Variants in DMC1 observed in about 807,000 individuals in gnomAD.
DMC1 encodes meiotic recombination protein DMC1 homolog.
DMC1 carries 27 observed loss-of-function variants against 50.1 expected under a neutral mutation model. That is an observed-to-expected ratio of 0.54 (90% confidence interval 0.40 to 0.74). The LOEUF is 0.74. DMC1 is among the 30% of genes least tolerant of loss of function. The pLI is 0.00. For synonymous variants in DMC1, 148 were observed against 136.1 expected, an observed-to-expected ratio of 1.09 and a Z score of -0.61; for missense variants, 295 against 420.2, an observed-to-expected ratio of 0.70 and a Z score of 2.60.
intron 5 of DMC1, among the ~76,000 whole-genome samples, chr22:38,561,002 A>AT (rs1011284443): frequency 1.7e-4 from 25 of 149,186 alleles, no homozygotes; most frequent in South Asian, 1.1e-3. Context: ...TAATTCCTTA[A>AT]TTTTTTTTTT....
chr22:38,557,109 T>C (rs1345567558), intron 5 of DMC1, among the ~76,000 whole-genome samples: 1 of 152,174 alleles, frequency 6.6e-6, no homozygotes, highest in Admixed American at 6.5e-5. Context: ...GCCATGGTGG[T>C]TGGGCTAGCA....
chr22:38,533,594 C>T (rs1374736125), intron 12 of DMC1, among the ~76,000 whole-genome samples: 2 of 151,990 alleles, frequency 1.3e-5, no homozygotes, highest in Non-Finnish European at 2.9e-5. Flanking sequence ...AATCTGCTAC[C>T]ATATGATGCA....
chr22:38,561,672 T>C (rs915711362), intron 5 of DMC1, among the ~76,000 whole-genome samples: 1 of 152,216 alleles, frequency 6.6e-6, no homozygotes, highest in Non-Finnish European at 1.5e-5. Context: ...AAATCCTTTT[T>C]TTCTTAATGT....
rs1171102736 is a variant in DMC1, at chr22:38,531,276, G to T, written c.836+6316C>A. On this transcript the variant is annotated intron_variant, in intron 12 of 13. Coordinates refer to ENST00000216024, the MANE Select transcript of DMC1 (RefSeq NM_007068.4). ...TTTATCTCCAAGTCTTCATCAACTG[G>T]ATCATTCCAGTTCTAAAGTCTGTAT... Among the ~76,000 whole-genome samples, 3 of 152,142 alleles carry T rather than the reference G, an allele frequency of 2.0e-5. No homozygotes were observed. In the East Asian group the frequency reaches 5.8e-4, roughly 29 times the overall value.
chr22:38,520,085 C>G lies in DMC1; in HGVS notation c.958G>C (p.Glu320Gln). The change falls in exon 14 of 14, where the codon GAG (glutamate) becomes CAG (glutamine). Residue 320 changes from glutamate to glutamine, a missense_variant. By Grantham distance (29) the Glu-to-Gln change is conservative. Coordinates refer to ENST00000216024, the MANE Select transcript of DMC1 (RefSeq NM_007068.4). ...LRIAKIYDSP[E>Q]MPENEATFAI... ...AAGGTGGCTTCATTTTCAGGCATCT[C>G]AGGACTAACAGAATACAAGGGAACA... 6.2e-7 allele frequency: 1 copy of G among 1,612,556 alleles called. No homozygotes were observed. The highest frequency in any genetic ancestry group is 8.5e-7 in the Non-Finnish European group (1 of 1,178,808).
intron 8 of DMC1, among the ~76,000 whole-genome samples, chr22:38,547,412 C>T (rs377673918): frequency 1.3e-5 from 2 of 152,220 alleles, no homozygotes; most frequent in African/African-American, 2.4e-5. Context: ...ATGGTGAGTA[C>T]TGAGCTTGGA....
chr22:38,523,769 G>GA (rs71853090), intron 12 of DMC1, among the ~76,000 whole-genome samples: 4,261 of 145,664 alleles, frequency 0.029, 198 homozygotes, highest in African/African-American at 0.098. Flanking sequence ...CTCTGTCTCA[G>GA]AAAAAAAAAA....
chr22:38,534,900 G>A (rs1405388903), intron 12 of DMC1, among the ~76,000 whole-genome samples: 1 of 151,894 alleles, frequency 6.6e-6, no homozygotes, highest in Non-Finnish European at 1.5e-5. Flanking sequence ...TAGCTACTCG[G>A]GAGGCTGAGG....
At chr22:38,563,947 G>A (rs1452412724) in intron 4 of DMC1, among the ~76,000 whole-genome samples, 1 of 152,104 alleles carries the variant, frequency 6.6e-6, no homozygotes, top group Non-Finnish European at 1.5e-5. Context: ...TGATCCGCCT[G>A]CCTCGGCCTC....
At chr22:38,568,988 C>T (rs11570371) in intron 1 of DMC1, among the ~76,000 whole-genome samples, 1,528 of 151,898 alleles carry the variant, frequency 0.01, 28 homozygotes, top group African/African-American at 0.035. Context: ...GTCAGGAGTT[C>T]GAGACCAGCC....
rs748788596 is a variant in DMC1 at position 38,530,028 on chromosome 22, T to C, written c.836+7564A>G. On this transcript the variant is annotated intron_variant, in intron 12 of 13. Transcript: ENST00000216024. Reference sequence around the variant, plus strand: ...TCGCCCAGGCTGGAGTGCAGTCACATGATCTCAGCTCACTGCAACCTCAGC... The same window carrying C: ...TCGCCCAGGCTGGAGTGCAGTCACACGATCTCAGCTCACTGCAACCTCAGC... Among the ~76,000 whole-genome samples the C allele has an allele frequency of 3.8e-4, 58 of 152,132 alleles. 1 individual carries two copies. The highest frequency in any genetic ancestry group is 7.4e-4 in the Non-Finnish European group (50 of 68,020).
In DMC1 at chr22:38,559,720, A is replaced by G. The variant is rs137910057; in HGVS notation, c.326+2567T>C. Among the ~76,000 whole-genome samples the G allele has an allele frequency of 2.0e-3, 306 of 152,260 alleles. 2 individuals are homozygous for G. The highest frequency in any genetic ancestry group is 7.0e-3 in the African/African-American group (292 of 41,544). ...GAAGTTTACAATCTAGTGAGAGATTAGATAATAAACACAAATAGGCCAGGC... is the reference window on the plus strand; with the variant it reads ...GAAGTTTACAATCTAGTGAGAGATTGGATAATAAACACAAATAGGCCAGGC... On this transcript the variant is annotated intron_variant, in intron 5 of 13. Transcript: ENST00000216024.
At chr22:38,569,363 A>AT (rs2090614638) in intron 1 of DMC1, 1 of 152,204 alleles carries the variant, frequency 6.6e-6, no homozygotes, top group African/African-American at 2.4e-5. Flanking sequence ...CCATTTCCTC[A>AT]TTTGATACCA....
rs1429976919 is a variant in DMC1, at chr22:38,562,356, A to G, written c.257T>C (p.Leu86Ser). 1.2e-6 allele frequency: 2 copies of G among 1,610,498 alleles called. No homozygotes were observed. The highest frequency in any genetic ancestry group is 1.7e-6 in the Non-Finnish European group (2 of 1,176,958). ...AANKLIEPGF[L>S]TAFEYSEKRK... ...CTTTTCACTATACTCAAATGCAGTC[A>G]AGAATCCTGGTTCCTACAGAAAGAT... The change falls in exon 5 of 14, where the codon TTG (leucine) becomes TCG (serine). Residue 86 changes from leucine to serine, a missense_variant. By Grantham distance (145) the Leu-to-Ser change is moderately radical. Coordinates refer to ENST00000216024, the MANE Select transcript of DMC1 (RefSeq NM_007068.4).
intron 12 of DMC1, among the ~76,000 whole-genome samples, chr22:38,525,408 TA>T (rs1444471895): frequency 1.3e-5 from 2 of 152,158 alleles, no homozygotes. Context: ...ATAGATAACC[TA>T]AACAAGACTG....
chr22:38,517,610 A>G (rs192416263), downstream of DMC1, among the ~76,000 whole-genome samples: 20 of 152,172 alleles, frequency 1.3e-4, no homozygotes, highest in East Asian at 2.3e-3. Context: ...AAACAAAACA[A>G]AAAAGTTAAA....
downstream of DMC1, among the ~76,000 whole-genome samples, chr22:38,514,246 CTTTTTTTTTTTTTT>C (rs142872124): frequency 2.8e-5 from 2 of 71,310 alleles, no homozygotes; most frequent in African/African-American, 1.2e-4. Context: ...GTTAGGTATT[CTTTTTTTTTTTTTT>C]TTTTTTTTTT....
chr22:38,568,417 T>C (rs769326942), intron 1 of DMC1, 128 bp from the exon 2 acceptor site: 66 of 699,464 alleles, frequency 9.4e-5, no homozygotes, highest in Admixed American at 7.4e-4. Context: ...GAGGCCAGCC[T>C]ATCTTCTTTC....
rs775069786 is a variant in DMC1 at position 38,549,975 on chromosome 22, A to C, written c.444T>G (p.Ala148=). 6.2e-7 allele frequency: 1 copy of C among 1,613,680 alleles called. No individual in the cohort carries two copies. Among genetic ancestry groups the C allele is most frequent in the South Asian group, 1.1e-5 (1 of 91,058 alleles). ...TAATCTTTCCTCCTGGGTAGCCACC[A>C]GCTCCTGGAAGTTGAGCTGTCACTA... The part of the protein sequence containing the change: ...TLCVTAQLPG[A]GGYPGGKIIF... The change falls in exon 8 of 14, where the codon GCT becomes GCG. Residue 148 remains alanine, a synonymous_variant. Coordinates refer to ENST00000216024, the MANE Select transcript of DMC1 (RefSeq NM_007068.4).
Sources: allele counts gnomAD v4.1 joint callset (sites outside exome capture counted in the v4.1 genomes callset), GRCh38; gene constraint gnomAD v4.1.1; transcripts MANE v1.5; gene names NCBI Gene and HGNC (gene_info 2026-07-23, HGNC 2026-07-21).